Variants in ZNF454 observed in about 807,000 individuals in gnomAD.
ZNF454 encodes the protein zinc finger protein 454.
In ZNF454, 30 loss-of-function variants were observed where a neutral mutation model predicts 48.2. The observed-to-expected ratio is 0.62, with a 90% CI of 0.47 to 0.84. The LOEUF is 0.84. Ranked by LOEUF, ZNF454 falls within the 40% of genes least tolerant of loss-of-function variation. The pLI, the probability that ZNF454 is intolerant of heterozygous loss-of-function variation, is 0.00. For synonymous variants in ZNF454, 204 were observed against 211.4 expected (o/e 0.97, Z 0.30); for missense variants, 510 against 623.1 (o/e 0.82, Z 1.93).
At chr5:178,985,681 C>T in the ZNF454 span, 3,994 of 389,676 alleles carry the variant, frequency 0.01, 48 homozygotes, top group African/African-American at 0.035. Flanking sequence ...CCAGCCTGGG[C>T]GACACAGCGA....
downstream of ZNF454, among the ~76,000 whole-genome samples, chr5:178,967,683 T>G (rs1760182655): frequency 6.6e-6 from 1 of 151,864 alleles, no homozygotes; most frequent in Non-Finnish European, 1.5e-5. Flanking sequence ...GTTTGAGTGG[T>G]ACAGTCGTCC....
At chr5:178,983,837 C>T in the ZNF454 span, among the ~76,000 whole-genome samples, 10 of 152,188 alleles carry the variant, frequency 6.6e-5, no homozygotes, top group South Asian at 4.1e-4. Flanking sequence ...GGAACAGGAA[C>T]GAAGCCACCT....
the ZNF454 span, chr5:178,986,471 G>A: frequency 2.5e-6 from 4 of 1,612,336 alleles, no homozygotes; most frequent in Non-Finnish European, 3.4e-6. Context: ...ACGATGCCCA[G>A]CACGGCCAGG....
the ZNF454 span, chr5:178,982,958 C>T: frequency 6.2e-7 from 1 of 1,614,182 alleles, no homozygotes; most frequent in Non-Finnish European, 8.5e-7. Flanking sequence ...CGAATGCCAG[C>T]CAGATGATGC....
At chr5:178,973,010 C>A in the ZNF454 span, among the ~76,000 whole-genome samples, 2 of 143,412 alleles carry the variant, frequency 1.4e-5, no homozygotes, top group Admixed American at 6.9e-5. Context: ...AAAAAAAAAA[C>A]CCAGAGGCCT....
Position 178,944,272 on chromosome 5 carries a change from G to A in ZNF454, c.33+1448G>A, listed in dbSNP as rs531687600. ...TCTTGGCTTCTGACTTGTCACTTAGGACCCTTCTCATGCACCACTTTTTCT... is the reference window on the plus strand; with the variant it reads ...TCTTGGCTTCTGACTTGTCACTTAGAACCCTTCTCATGCACCACTTTTTCT... On this transcript the variant is annotated intron_variant, in intron 2 of 4. Transcript: ENST00000519564. This position sits in a 1 kb window ranked among gnomAD's most constrained non-coding sequence, Gnocchi z 4.1. Among the ~76,000 whole-genome samples, 3 of 152,240 alleles carry A rather than the reference G, an allele frequency of 2.0e-5. No individual in the cohort carries two copies. Among genetic ancestry groups the A allele is most frequent in the Admixed American group, 2.0e-4 (3 of 15,290 alleles).
chr5:178,984,283 C>T, the ZNF454 span, among the ~76,000 whole-genome samples: 11 of 104,074 alleles, frequency 1.1e-4, no homozygotes, highest in South Asian at 2.9e-4. Context: ...GAGTGGGGAG[C>T]GAGCGAGCAC....
downstream of ZNF454, among the ~76,000 whole-genome samples, chr5:178,970,628 AT>A (rs1250861314): frequency 2.0e-5 from 3 of 151,918 alleles, no homozygotes; most frequent in South Asian, 4.2e-4. Flanking sequence ...CGCCCGGCTA[AT>A]TTTTGTATTT....
the ZNF454 span, chr5:178,976,235 C>T: frequency 5.9e-6 from 2 of 341,626 alleles, no homozygotes; most frequent in Non-Finnish European, 1.2e-5. Flanking sequence ...ATTCTCTGTA[C>T]CCTGCTCTGC....
chr5:178,946,335 A>G lies in ZNF454; in HGVS notation c.34-24A>G. On this transcript the variant is annotated intron_variant, in intron 2 of 4. Coordinates refer to ENST00000519564, the MANE Select transcript of ZNF454 (RefSeq NM_001178089.3). This position sits in a 1 kb window ranked among gnomAD's most constrained non-coding sequence, Gnocchi z 4.5. ...CATGTGCAGGGGTAGCCCCTGGTCA[A>G]GGAGAATGAATTTGCTGTTGCAGGA... The G allele has an allele frequency of 6.2e-7, 1 of 1,610,568 alleles. No homozygotes were observed. The highest frequency in any genetic ancestry group is 8.5e-7 in the Non-Finnish European group (1 of 1,178,712).
In ZNF454 at chr5:178,946,270, C is replaced by T. The variant is rs17078801; in HGVS notation, c.34-89C>T. The T allele has an allele frequency of 0.032, 49,227 of 1,558,718 alleles. 2,930 individuals carry two copies. Among genetic ancestry groups the T allele is most frequent in the East Asian group, 0.24 (10,553 of 43,578 alleles). On this transcript the variant is annotated intron_variant, in intron 2 of 4. Coordinates refer to ENST00000519564, the MANE Select transcript of ZNF454 (RefSeq NM_001178089.3). The surrounding 1 kb of genome is among the most constrained non-coding windows in gnomAD (Gnocchi z 4.5). ...GTGTGCCAGCAGTCCTGTAAATGCG[C>T]ACAAGCTCCTAGGGGCTGCCAGTCT... is the stretch of plus-strand genomic sequence containing the variant.
chr5:178,977,633 G>A, the ZNF454 span, among the ~76,000 whole-genome samples: 1 of 151,116 alleles, frequency 6.6e-6, no homozygotes, highest in Non-Finnish European at 1.5e-5. Flanking sequence ...GCAATGGCAC[G>A]ATCTCAACTC....
chr5:178,963,999 CT>C (rs1760070206), intron 4 of ZNF454, among the ~76,000 whole-genome samples: 1 of 151,660 alleles, frequency 6.6e-6, no homozygotes, highest in Non-Finnish European at 1.5e-5. Context: ...TACTTTTCTT[CT>C]TGTCTGTTAG....
At chr5:178,962,107 C>G (rs1760029294) in intron 4 of ZNF454, among the ~76,000 whole-genome samples, 1 of 151,626 alleles carries the variant, frequency 6.6e-6, no homozygotes, top group Non-Finnish European at 1.5e-5. Context: ...ATGGAAATAT[C>G]TACTTCAAGT....
At chr5:178,943,178 G>A (rs947692320) in intron 2 of ZNF454, among the ~76,000 whole-genome samples, 6 of 152,182 alleles carry the variant, frequency 3.9e-5, no homozygotes, top group Non-Finnish European at 5.9e-5. Flanking sequence ...ATCTGAGGCT[G>A]GGGAATTGAT....
the ZNF454 span, chr5:178,987,142 C>T: frequency 1.3e-6 from 1 of 769,194 alleles, no homozygotes; most frequent in Admixed American, 2.0e-5. Flanking sequence ...CCCCTTCACC[C>T]ATTGGGATGG....
intron 4 of ZNF454, among the ~76,000 whole-genome samples, chr5:178,964,399 T>C (rs1334202633): frequency 6.6e-6 from 1 of 152,142 alleles, no homozygotes; most frequent in Non-Finnish European, 1.5e-5. Context: ...GGATTACAGG[T>C]GTGAGCCACA....
chr5:178,954,985 T>G (rs1759690896), intron 4 of ZNF454, among the ~76,000 whole-genome samples: 1 of 152,266 alleles, frequency 6.6e-6, no homozygotes, highest in Non-Finnish European at 1.5e-5. Flanking sequence ...CTTTCAGTTT[T>G]GGGCTAAAGC....
downstream of ZNF454, among the ~76,000 whole-genome samples, chr5:178,968,245 T>G (rs1760195584): frequency 6.6e-6 from 1 of 151,778 alleles, no homozygotes; most frequent in African/African-American, 2.4e-5. Flanking sequence ...CCAAGCAAAT[T>G]TTTCTGGAAA....
Sources: allele counts gnomAD v4.1 joint callset (sites outside exome capture counted in the v4.1 genomes callset), GRCh38; gene constraint gnomAD v4.1.1; non-coding constraint Gnocchi (gnomAD v3.1); transcripts MANE v1.5; gene names NCBI Gene and HGNC (gene_info 2026-07-23, HGNC 2026-07-21).